PCDH7: variants seen among roughly 807,000 people sequenced by gnomAD.
PCDH7 encodes protocadherin 7, also known as protocadherin-7.
PCDH7 carries 17 observed loss-of-function variants against 58.9 expected under a neutral mutation model. The observed-to-expected ratio is 0.29, with a 90% CI of 0.20 to 0.43. PCDH7 has a LOEUF of 0.43. Ranked by LOEUF, PCDH7 falls within the 20% of genes least tolerant of loss-of-function variation. The pLI, the probability that PCDH7 is intolerant of heterozygous loss-of-function variation, is 1.00. For synonymous variants in PCDH7, 664 were observed against 616.4 expected, an observed-to-expected ratio of 1.08 and a Z score of -1.14; for missense variants, 1,274 against 1,441.0, an observed-to-expected ratio of 0.88 and a Z score of 1.88.
At chr4:31,018,376 A>C (rs993594790) in intron 3 of PCDH7, among the ~76,000 whole-genome samples, 1 of 152,198 alleles carries the variant, frequency 6.6e-6, no homozygotes, top group Non-Finnish European at 1.5e-5. Context: ...TATCTAAGAC[A>C]ACATTCTTGA....
At chr4:30,889,046 C>A (rs561329223) in intron 1 of PCDH7, among the ~76,000 whole-genome samples, 1 of 145,652 alleles carries the variant, frequency 6.9e-6, no homozygotes. Flanking sequence ...CCAGGCTTGG[C>A]GGTGCATGCC....
At chr4:31,079,771 G>T (rs1759350698) in intron 3 of PCDH7, among the ~76,000 whole-genome samples, 1 of 152,006 alleles carries the variant, frequency 6.6e-6, no homozygotes, top group Non-Finnish European at 1.5e-5. Flanking sequence ...TTTAGAAACA[G>T]CCCAAATGTC....
rs554612477 is a variant in PCDH7 at position 30,740,423 on chromosome 4, T to C, written c.70+15827T>C. ...TATTAGACCAGTTTTATCCTGTGCT[T>C]TTGGGAAACACTTCATAAAATATTT... On this transcript the variant is annotated intron_variant, in intron 1 of 3. Coordinates refer to the PCDH7 transcript ENST00000509759. Among the ~76,000 whole-genome samples the C allele has an allele frequency of 2.0e-5, 3 of 152,322 alleles. No individual in the cohort carries two copies. In the South Asian group the frequency reaches 6.2e-4, roughly 32 times the overall value.
At chr4:30,842,363 A>G (rs1455748101) in intron 1 of PCDH7, among the ~76,000 whole-genome samples, 1 of 152,142 alleles carries the variant, frequency 6.6e-6, no homozygotes, top group Non-Finnish European at 1.5e-5. Flanking sequence ...TCTGGGGTTC[A>G]TATCTTTTTA....
At chr4:30,903,839 T>C (rs1740543095) in intron 1 of PCDH7, among the ~76,000 whole-genome samples, 1 of 152,120 alleles carries the variant, frequency 6.6e-6, no homozygotes, top group Non-Finnish European at 1.5e-5. Flanking sequence ...ACTTCATTTT[T>C]TTTGTTTTTG....
chr4:30,873,014 C>G (rs1166674007), intron 1 of PCDH7, among the ~76,000 whole-genome samples: 2 of 152,080 alleles, frequency 1.3e-5, no homozygotes, highest in African/African-American at 2.4e-5. Context: ...AAAGGAATTA[C>G]TGAATTTTAT....
intron 3 of PCDH7, among the ~76,000 whole-genome samples, chr4:30,995,833 C>T: frequency 6.6e-6 from 1 of 152,126 alleles, no homozygotes; most frequent in Non-Finnish European, 1.5e-5. Context: ...ACTGAATCTC[C>T]CCAGGGCTCC....
intron 3 of PCDH7, among the ~76,000 whole-genome samples, chr4:31,015,007 GATAA>G (rs1303700352): frequency 3.3e-5 from 5 of 152,140 alleles, no homozygotes; most frequent in African/African-American, 1.2e-4. Flanking sequence ...TAGAAGAATG[GATAA>G]ATAAATATAA....
chr4:30,739,617 C>G (rs1000973067), intron 1 of PCDH7, among the ~76,000 whole-genome samples: 3 of 152,080 alleles, frequency 2.0e-5, no homozygotes, highest in Non-Finnish European at 2.9e-5. Flanking sequence ...AAAATTTACT[C>G]TGTTACTAAA....
chr4:30,795,795 T>A (rs965078496), intron 1 of PCDH7, among the ~76,000 whole-genome samples: 1 of 152,186 alleles, frequency 6.6e-6, no homozygotes, highest in African/African-American at 2.4e-5. Context: ...TTAGAATATA[T>A]AAACGTGCCC....
chr4:30,987,514 A>C (rs1751082915), intron 3 of PCDH7: 1 of 152,034 alleles, frequency 6.6e-6, no homozygotes, highest in African/African-American at 2.4e-5. Context: ...ATTTTACATA[A>C]TTTTAAATCA....
intron 3 of PCDH7, among the ~76,000 whole-genome samples, chr4:31,099,778 A>T (rs983823051): frequency 3.3e-5 from 5 of 152,142 alleles, no homozygotes; most frequent in Non-Finnish European, 5.9e-5. Flanking sequence ...CTTTCCTCAA[A>T]CCAGATGACA....
chr4:30,765,124 G>GTTTT (rs1242502475), intron 1 of PCDH7, among the ~76,000 whole-genome samples: 1 of 36,028 alleles, frequency 2.8e-5, no homozygotes, highest in African/African-American at 7.8e-5. Flanking sequence ...GACTTCAGAT[G>GTTTT]CTTTTTTTTT....
intron 1 of PCDH7, among the ~76,000 whole-genome samples, chr4:30,799,893 AC>A (rs1200009860): frequency 6.6e-6 from 1 of 151,186 alleles, no homozygotes; most frequent in African/African-American, 2.4e-5. Context: ...TCACTCTGTC[AC>A]CCAGGCTGGA....
At chr4:30,810,152 G>A (rs6812005) in intron 1 of PCDH7, among the ~76,000 whole-genome samples, 100,832 of 152,064 alleles carry the variant, frequency 0.66, 35,383 homozygotes, top group African/African-American at 0.91. Flanking sequence ...ATTCTCTCTC[G>A]TATGTTCCAT....
At chr4:30,789,041 A>G (rs557438368) in intron 1 of PCDH7, among the ~76,000 whole-genome samples, 1 of 152,282 alleles carries the variant, frequency 6.6e-6, no homozygotes, top group South Asian at 2.1e-4. Flanking sequence ...ACCAAGGGAC[A>G]GTATGAATTG....
At chr4:31,108,409 A>AAAAAAAAAAAAC (rs1715867843) in intron 3 of PCDH7, among the ~76,000 whole-genome samples, 1 of 119,166 alleles carries the variant, frequency 8.4e-6, no homozygotes, top group African/African-American at 3.2e-5. Flanking sequence ...AAAAAAAAAA[A>AAAAAAAAAAAAC]TCACTTTCTA....
chr4:30,795,914 T>C (rs1237694903), intron 1 of PCDH7, among the ~76,000 whole-genome samples: 2 of 152,148 alleles, frequency 1.3e-5, no homozygotes, highest in Non-Finnish European at 2.9e-5. Flanking sequence ...TGTCTTTTAA[T>C]ATAGAAACTA....
At chr4:30,966,746 T>C (rs1484039372) in intron 3 of PCDH7, among the ~76,000 whole-genome samples, 1 of 152,022 alleles carries the variant, frequency 6.6e-6, no homozygotes, top group African/African-American at 2.4e-5. Flanking sequence ...TTGTTGCAAA[T>C]AGGGAACAAA....
Sources: gnomAD v4.1 joint callset for allele counts (sites outside exome capture counted in the v4.1 genomes callset) on GRCh38, gnomAD v4.1.1 for gene constraint, MANE v1.5 for transcripts, NCBI Gene and HGNC (gene_info 2026-07-23, HGNC 2026-07-21) for gene names.